Variants in NCK2 observed in about 807,000 individuals in gnomAD.
NCK2 encodes the protein NCK adaptor protein 2.
A neutral mutation model predicts 33.9 loss-of-function variants in NCK2; 16 were observed. The ratio of observed to expected loss-of-function variants is 0.47; its 90% CI spans 0.32 to 0.72. NCK2 has a LOEUF of 0.72. Ranked by LOEUF, NCK2 falls within the 30% of genes least tolerant of loss-of-function variation. The pLI, the probability that NCK2 is intolerant of heterozygous loss-of-function variation, is 0.03. For synonymous variants in NCK2, 273 were observed against 239.9 expected (o/e 1.14, Z -1.27); for missense variants, 418 against 537.3 (o/e 0.78, Z 2.19).
chr2:105,887,455 G>A (rs1392997681), intron 4 of NCK2, among the ~76,000 whole-genome samples: 1 of 152,082 alleles, frequency 6.6e-6, no homozygotes, highest in Non-Finnish European at 1.5e-5. Flanking sequence ...CTTCAGCGTG[G>A]CTGGAGATCA....
At chr2:105,758,197 G>T (rs1234590362) in intron 1 of NCK2, among the ~76,000 whole-genome samples, 1 of 151,838 alleles carries the variant, frequency 6.6e-6, no homozygotes, top group Non-Finnish European at 1.5e-5. Context: ...TTTTTTAATT[G>T]ATAATGGCAT....
At chr2:105,860,552 TGTA>T (rs1430064468) in intron 3 of NCK2, among the ~76,000 whole-genome samples, 1 of 151,958 alleles carries the variant, frequency 6.6e-6, no homozygotes, top group Middle Eastern at 3.2e-3. Context: ...TGAGCGAGCA[TGTA>T]GTCAGAACCG....
intron 3 of NCK2, among the ~76,000 whole-genome samples, chr2:105,863,113 G>C (rs924083645): frequency 2.6e-5 from 4 of 152,238 alleles, no homozygotes; most frequent in African/African-American, 4.8e-5. Context: ...TCCCCAGCAT[G>C]CAAGTGAAAA....
intron 1 of NCK2, among the ~76,000 whole-genome samples, chr2:105,789,875 C>T (rs1236449470): frequency 6.6e-6 from 1 of 152,228 alleles, no homozygotes; most frequent in Non-Finnish European, 1.5e-5. Flanking sequence ...GGCCAGGGCA[C>T]ACCTCACCAT....
intron 2 of NCK2, among the ~76,000 whole-genome samples, chr2:105,826,948 A>G (rs2104511848): frequency 6.6e-6 from 1 of 152,326 alleles, no homozygotes; most frequent in Admixed American, 6.5e-5. Context: ...GAGAGTTACC[A>G]GGGACATAAA....
chr2:105,749,972 G>T (rs1269985335), intron 1 of NCK2, among the ~76,000 whole-genome samples: 2 of 151,688 alleles, frequency 1.3e-5, no homozygotes, highest in African/African-American at 2.4e-5. Context: ...GGAGGTTGCA[G>T]TGAGCCAAGA....
intron 1 of NCK2, among the ~76,000 whole-genome samples, chr2:105,782,787 C>T (rs1449785149): frequency 1.3e-5 from 2 of 152,166 alleles, no homozygotes; most frequent in African/African-American, 4.8e-5. Flanking sequence ...GGCTGTTAGG[C>T]TTGTGCTCAG....
intron 1 of NCK2, among the ~76,000 whole-genome samples, chr2:105,769,131 GCT>G (rs1690043303): frequency 2.0e-5 from 3 of 152,182 alleles, no homozygotes. Context: ...GTGCACTGGG[GCT>G]CTCTATGAAT....
intron 1 of NCK2, among the ~76,000 whole-genome samples, chr2:105,759,594 G>A (rs1444409663): frequency 2.0e-5 from 3 of 152,146 alleles, no homozygotes; most frequent in Non-Finnish European, 2.9e-5. Flanking sequence ...TTTCCCCTGT[G>A]ATTCACATCT....
chr2:105,747,366 C>T (rs533760761), intron 1 of NCK2, among the ~76,000 whole-genome samples: 11 of 152,308 alleles, frequency 7.2e-5, no homozygotes, highest in South Asian at 4.1e-4. Flanking sequence ...CCCTAAGACT[C>T]CCGGAATGGC....
chr2:105,852,411 A>G (rs1378869059), intron 2 of NCK2, among the ~76,000 whole-genome samples: 1 of 152,178 alleles, frequency 6.6e-6, no homozygotes, highest in African/African-American at 2.4e-5. Context: ...GGCAAGATGT[A>G]AAACTCCTTG....
chr2:105,827,631 C>G (rs1676003759), intron 2 of NCK2, among the ~76,000 whole-genome samples: 1 of 152,206 alleles, frequency 6.6e-6, no homozygotes, highest in Non-Finnish European at 1.5e-5. Flanking sequence ...TAACAAATTT[C>G]AAAGCATTGA....
intron 3 of NCK2, among the ~76,000 whole-genome samples, chr2:105,876,707 GC>G (rs1411238563): frequency 2.3e-4 from 35 of 152,328 alleles, no homozygotes; most frequent in African/African-American, 7.5e-4. Context: ...TTCAAATTGT[GC>G]TTCTGTTACA....
At chr2:105,748,386 G>T (rs1689356625) in intron 1 of NCK2, among the ~76,000 whole-genome samples, 1 of 151,578 alleles carries the variant, frequency 6.6e-6, no homozygotes, top group South Asian at 2.1e-4. Flanking sequence ...TCCTGCAGTT[G>T]TTTTTTTTCT....
At chr2:105,851,470 G>C (rs1398812597) in intron 2 of NCK2, among the ~76,000 whole-genome samples, 1 of 152,140 alleles carries the variant, frequency 6.6e-6, no homozygotes, top group African/African-American at 2.4e-5. Context: ...TGTTAGCCAG[G>C]ATGGTTTCCA....
chr2:105,865,557 A>G (rs1677711615), intron 3 of NCK2, among the ~76,000 whole-genome samples: 1 of 152,144 alleles, frequency 6.6e-6, no homozygotes, highest in Non-Finnish European at 1.5e-5. Flanking sequence ...AGCCCCCAAA[A>G]TGCTAAGGGA....
chr2:105,838,876 G>A (rs1390331570), intron 2 of NCK2, among the ~76,000 whole-genome samples: 1 of 152,196 alleles, frequency 6.6e-6, no homozygotes. Flanking sequence ...TCTTCAAGGA[G>A]TTAAGTGCAG....
chr2:105,769,034 T>G (rs922207096), intron 1 of NCK2, among the ~76,000 whole-genome samples: 1 of 152,112 alleles, frequency 6.6e-6, no homozygotes, highest in Non-Finnish European at 1.5e-5. Flanking sequence ...ACGTTTTGTC[T>G]TTCTGGCAAT....
chr2:105,859,294 AC>A (rs1260464455), intron 3 of NCK2, among the ~76,000 whole-genome samples: 1 of 152,188 alleles, frequency 6.6e-6, no homozygotes, highest in Middle Eastern at 3.2e-3. Context: ...GGGCTGACTC[AC>A]ATTACCCAAA....
Sources: allele counts gnomAD v4.1 joint callset (sites outside exome capture counted in the v4.1 genomes callset), GRCh38; gene constraint gnomAD v4.1.1; transcripts MANE v1.5; gene names NCBI Gene and HGNC (gene_info 2026-07-23, HGNC 2026-07-21).